CUX1: variants seen among roughly 807,000 people sequenced by gnomAD.
The protein encoded by CUX1 is protein CASP.
Under a neutral mutation model 158.8 loss-of-function variants are expected in CUX1, and 31 were observed. The observed-to-expected ratio is 0.20, with a 90% confidence interval of 0.15 to 0.26. CUX1 has a LOEUF of 0.26. CUX1 is among the 10% of genes least tolerant of loss of function. The probability of loss-of-function intolerance (pLI) is 1.00; values close to 1 mark genes in which losing one functional copy is unlikely to be tolerated. For synonymous variants in CUX1, 879 were observed against 862.1 expected, an observed-to-expected ratio of 1.02 and a Z score of -0.34; for missense variants, 1,589 against 2,014.6, an observed-to-expected ratio of 0.79 and a Z score of 4.04.
downstream of CUX1, among the ~76,000 whole-genome samples, chr7:102,259,736 A>C (rs145199228): frequency 0.026 from 2,513 of 98,220 alleles, 88 homozygotes; most frequent in African/African-American, 0.088. Flanking sequence ...TAAAATAAGA[A>C]ATGTTAAAAA....
At chr7:101,939,109 ATAT>A (rs1807373051) in intron 2 of CUX1, among the ~76,000 whole-genome samples, 1 of 73,650 alleles carries the variant, frequency 1.4e-5, no homozygotes, top group Admixed American at 1.7e-4. Context: ...ATATATATAT[ATAT>A]ATGATGGTTC....
At chr7:102,067,652 A>AT (rs1825696733) in intron 3 of CUX1, among the ~76,000 whole-genome samples, 1 of 151,160 alleles carries the variant, frequency 6.6e-6, no homozygotes, top group South Asian at 2.1e-4. Context: ...TTTTTTCTAT[A>AT]TTTTTGATAT....
chr7:102,030,891 G>A (rs1032133522), intron 3 of CUX1, among the ~76,000 whole-genome samples: 9 of 151,684 alleles, frequency 5.9e-5, no homozygotes, highest in South Asian at 2.1e-4. Context: ...TAGTAGAGAC[G>A]AGGTTTCAAT....
At chr7:101,999,398 T>C (rs1269519653) in intron 2 of CUX1, among the ~76,000 whole-genome samples, 1 of 151,992 alleles carries the variant, frequency 6.6e-6, no homozygotes, top group Non-Finnish European at 1.5e-5. Context: ...GAGCTGAGCC[T>C]GCAGGCTGTG....
At chr7:102,211,609 C>T (rs1220953678) in intron 20 of CUX1, among the ~76,000 whole-genome samples, 3 of 151,908 alleles carry the variant, frequency 2.0e-5, no homozygotes, top group South Asian at 2.1e-4. Context: ...GGGGAAACCC[C>T]GTCTCTAGTA....
chr7:101,942,842 G>A (rs1470924264), intron 2 of CUX1, among the ~76,000 whole-genome samples: 1 of 152,198 alleles, frequency 6.6e-6, no homozygotes, highest in Non-Finnish European at 1.5e-5. Flanking sequence ...TTGGTGCCTG[G>A]GGTGGTGGGA....
chr7:102,050,742 G>A (rs1196415692), intron 3 of CUX1, among the ~76,000 whole-genome samples: 2 of 151,502 alleles, frequency 1.3e-5, no homozygotes, highest in African/African-American at 4.9e-5. Flanking sequence ...TCGCTCTGCT[G>A]CCCAGGCTGG....
intron 2 of CUX1, chr7:101,961,657 A>T (rs1810512014): frequency 1.3e-5 from 2 of 152,666 alleles, no homozygotes; most frequent in East Asian, 3.9e-4. Flanking sequence ...GAGCAGGCAG[A>T]TCACCTGAGG....
At chr7:102,060,594 CACACACACAAATAA>C (rs1385617770) in intron 3 of CUX1, among the ~76,000 whole-genome samples, 923 of 88,686 alleles carry the variant, frequency 0.01, 12 homozygotes, top group African/African-American at 0.034. Context: ...TATATATATA[CACACACACAAATAA>C]ACACACACAC....
intron 2 of CUX1, among the ~76,000 whole-genome samples, chr7:101,929,807 C>T (rs1806089593): frequency 6.6e-6 from 1 of 152,134 alleles, no homozygotes; most frequent in Admixed American, 6.5e-5. Flanking sequence ...ATATAATCCC[C>T]TGAACACCCT....
chr7:101,877,406 G>A (rs754502239), intron 1 of CUX1, among the ~76,000 whole-genome samples: 1 of 152,148 alleles, frequency 6.6e-6, no homozygotes, highest in Non-Finnish European at 1.5e-5. Context: ...AAATTAACAG[G>A]CCAGGTACAG....
intron 1 of CUX1, among the ~76,000 whole-genome samples, chr7:101,842,872 A>ATT (rs375610847): frequency 0.12 from 12,367 of 105,722 alleles, 1,272 homozygotes; most frequent in Non-Finnish European, 0.13. Flanking sequence ...AAATTATTCT[A>ATT]TTTTTTTTTT....
At position 101,875,965 on chromosome 7, in the gene CUX1, G is replaced by T. The variant is rs376346221; in HGVS notation, c.31-40150G>T. On this transcript the variant is annotated intron_variant, in intron 1 of 23. Transcript: ENST00000292535. ...GCCATGAATCCTATGACTGCCGATGGTTTGGTCCCAGGATGCATTATTCAG... is the reference window on the plus strand; with the variant it reads ...GCCATGAATCCTATGACTGCCGATGTTTTGGTCCCAGGATGCATTATTCAG... Among the ~76,000 whole-genome samples, 8 of 152,310 alleles carry T rather than the reference G, an allele frequency of 5.3e-5. No homozygotes were observed. In the East Asian group the frequency reaches 1.2e-3, roughly 22 times the overall value.
intron 10 of CUX1, among the ~76,000 whole-genome samples, chr7:102,171,982 A>G (rs1753279397): frequency 6.6e-6 from 1 of 152,244 alleles, no homozygotes; most frequent in African/African-American, 2.4e-5. Flanking sequence ...AAGGAGTAAG[A>G]TGAGGCTGGT....
At chr7:102,135,697 A>G (rs1283340796) in intron 8 of CUX1, among the ~76,000 whole-genome samples, 3 of 152,074 alleles carry the variant, frequency 2.0e-5, no homozygotes, top group African/African-American at 4.8e-5. Flanking sequence ...TTTTCAGGCC[A>G]GGCACGGTGG....
chr7:101,988,494 C>G (rs1814630818), intron 2 of CUX1, among the ~76,000 whole-genome samples: 1 of 152,140 alleles, frequency 6.6e-6, no homozygotes, highest in African/African-American at 2.4e-5. Flanking sequence ...ATCTGTGTCC[C>G]CAGGCTCTCC....
chr7:102,075,528 C>T (rs1438281922), intron 4 of CUX1, among the ~76,000 whole-genome samples: 1 of 152,230 alleles, frequency 6.6e-6, no homozygotes, highest in East Asian at 1.9e-4. Flanking sequence ...ATATCCACCC[C>T]AGTGCCTGCC....
intron 2 of CUX1, among the ~76,000 whole-genome samples, chr7:102,004,626 A>G (rs1817100626): frequency 6.6e-6 from 1 of 152,138 alleles, no homozygotes; most frequent in South Asian, 2.1e-4. Flanking sequence ...CAGGTGGAGA[A>G]ACTGAGGCTT....
chr7:101,932,746 C>A, intron 2 of CUX1: 1 of 378,330 alleles, frequency 2.6e-6, no homozygotes. Context: ...TTGCCGCCAT[C>A]AAGAAAAAAT....
Sources: gnomAD v4.1 joint callset for allele counts (sites outside exome capture counted in the v4.1 genomes callset) on GRCh38, gnomAD v4.1.1 for gene constraint, MANE v1.5 for transcripts, NCBI Gene and HGNC (gene_info 2026-07-23, HGNC 2026-07-21) for gene names.